PDHB: variants seen among roughly 807,000 people sequenced by gnomAD.
The protein encoded by PDHB is pyruvate dehydrogenase E1 component subunit beta, mitochondrial.
PDHB carries 17 observed loss-of-function variants against 42.8 expected under a neutral mutation model. The observed-to-expected ratio is 0.40, with a 90% confidence interval of 0.27 to 0.60. The LOEUF is 0.60. Among genes scored for constraint, PDHB ranks in the 20% least tolerant of loss-of-function variants. PDHB has a pLI of 0.46. For synonymous variants in PDHB, 154 were observed against 148.7 expected (o/e 1.04, Z -0.26); for missense variants, 322 against 451.3 (o/e 0.71, Z 2.60).
At chr3:58,433,331 A>G (rs1469370195) in intron 2 of PDHB, 11 of 571,472 alleles carry the variant, frequency 1.9e-5, no homozygotes, top group Non-Finnish European at 3.1e-5. Context: ...ACACTTCTAA[A>G]AAGTACATTT....
Position 58,432,262 on chromosome 3 carries a change from A to G in PDHB, c.97-278T>C, listed in dbSNP as rs373027442. The G allele has an allele frequency of 5.8e-4, 257 of 443,498 alleles. 1 individual carries two copies. Among genetic ancestry groups the G allele is most frequent in the Middle Eastern group, 4.8e-3 (7 of 1,464 alleles). The allele number at this position is 443,498 out of a possible 1,614,324, so 27.5% of individuals were successfully genotyped here. ...TGCTCTTTTAATATAATGAATGGTA[A>G]AATCTAGTTAAAAAAAGGAAGGAGA... On this transcript the variant is annotated intron_variant, in intron 2 of 9. Coordinates refer to ENST00000302746, the MANE Select transcript of PDHB (RefSeq NM_000925.4).
Position 58,430,021 on chromosome 3 carries a change from TC to T in PDHB, c.700+106del. 3 of 764,294 alleles carry T rather than the reference TC, an allele frequency of 3.9e-6. No homozygotes were observed. In the Admixed American group the frequency reaches 6.0e-5, roughly 15 times the overall value. The allele number at this position is 764,294 out of a possible 1,614,324, so 47.3% of individuals were successfully genotyped here. ...GAGAAATTGGGGCATCTTGAGCTCA[TC>T]CTATAATTTTTCAGTCAAAGTAAAT... On this transcript the variant is annotated intron_variant, in intron 7 of 9. Coordinates refer to ENST00000302746, the MANE Select transcript of PDHB (RefSeq NM_000925.4).
Position 58,431,403 on chromosome 3 carries a change from G to A in PDHB, c.303+190C>T. 1.7e-6 allele frequency: 1 copy of A among 590,154 alleles called. No homozygotes were observed. The highest frequency in any genetic ancestry group is 1.9e-5 in the African/African-American group (1 of 53,500). 36.6% of individuals were successfully genotyped at this position (590,154 alleles called of 1,614,324 possible). ...ATCTCTACTAAAAACACAAAAATTG[G>A]CTAGGCACAGTGGCGCGACCTGTAA... On this transcript the variant is annotated intron_variant, in intron 5 of 9. Transcript: ENST00000302746. This position sits in a 1 kb window ranked among gnomAD's most constrained non-coding sequence, Gnocchi z 4.4.
chr3:58,433,319 A>C, intron 2 of PDHB: 1 of 552,570 alleles, frequency 1.8e-6, no homozygotes, highest in East Asian at 3.1e-5. Context: ...CCACTGAATT[A>C]TACACTTCTA....
At position 58,431,018 on chromosome 3, in the gene PDHB, T is replaced by C; in HGVS notation, c.304-76A>G. On this transcript the variant is annotated intron_variant, in intron 5 of 9. Coordinates refer to ENST00000302746, the MANE Select transcript of PDHB (RefSeq NM_000925.4). The surrounding 1 kb of genome is among the most constrained non-coding windows in gnomAD (Gnocchi z 4.4). ...AGTAGCAAACAAATCACTCCAAGTC[T>C]TCCAACATTCAAATAATGTTTTTAT... 1 of 1,306,750 alleles carries C rather than the reference T, an allele frequency of 7.7e-7. No individual in the cohort carries two copies. The highest frequency in any genetic ancestry group is 1.1e-6 in the Non-Finnish European group (1 of 902,328). 80.9% of individuals were successfully genotyped at this position (1,306,750 alleles called of 1,614,324 possible).
At position 58,433,813 on chromosome 3, in the gene PDHB, G is replaced by C. The variant is rs778465584; in HGVS notation, c.-4C>G. 1.9e-6 allele frequency: 3 copies of C among 1,610,478 alleles called. No individual in the cohort carries two copies. Among genetic ancestry groups the C allele is most frequent in the Middle Eastern group, 1.6e-4 (1 of 6,074 alleles). ...CCAAGCCAGACACCGCCGCCATCTT[G>C]GTCGTGTCCTCTATCCGCTGCCAAA... On this transcript the variant is annotated 5_prime_UTR_variant, in exon 1 of 10. Coordinates refer to ENST00000302746, the MANE Select transcript of PDHB (RefSeq NM_000925.4).
At position 58,431,708 on chromosome 3, in the gene PDHB, C is replaced by A; in HGVS notation, c.267+23G>T. 6.2e-7 allele frequency: 1 copy of A among 1,605,124 alleles called. No homozygotes were observed. Among genetic ancestry groups the A allele is most frequent in the South Asian group, 1.1e-5 (1 of 90,912 alleles). On this transcript the variant is annotated intron_variant, in intron 4 of 9. Coordinates refer to ENST00000302746, the MANE Select transcript of PDHB (RefSeq NM_000925.4). The surrounding 1 kb of genome is among the most constrained non-coding windows in gnomAD (Gnocchi z 4.4). ...CACTAACAGACATGCCCTCCAGGGT[C>A]TGCTTCCCACTGGAAGGCTTACCTC...
intron 6 of PDHB, 141 bp from the exon 7 acceptor site, chr3:58,430,379 G>C (rs1381826981): frequency 1.5e-6 from 1 of 682,808 alleles, no homozygotes. Flanking sequence ...GCAGCCTTGA[G>C]AGCAGTTTAG....
rs746327054 is a variant in PDHB, at chr3:58,431,722, A to G, written c.267+9T>C. 2 of 1,612,294 alleles carry G rather than the reference A, an allele frequency of 1.2e-6. No individual in the cohort carries two copies. Among genetic ancestry groups the G allele is most frequent in the Non-Finnish European group, 1.7e-6 (2 of 1,178,294 alleles). ...CCCTCCAGGGTCTGCTTCCCACTGGAAGGCTTACCTCTGATATGGGAGTGT... is the reference window on the plus strand; with the variant it reads ...CCCTCCAGGGTCTGCTTCCCACTGGGAGGCTTACCTCTGATATGGGAGTGT... On this transcript the variant is annotated intron_variant, in intron 4 of 9. Transcript: ENST00000302746. This position sits in a 1 kb window ranked among gnomAD's most constrained non-coding sequence, Gnocchi z 4.4.
chr3:58,430,960 T>C lies in PDHB; in HGVS notation c.304-18A>G. The C allele has an allele frequency of 6.2e-7, 1 of 1,613,728 alleles. No homozygotes were observed. Among genetic ancestry groups the C allele is most frequent in the South Asian group, 1.1e-5 (1 of 91,074 alleles). ...AACCCAGCCTGTAAAATCAAAAACG[T>C]GGATGTTAAAAAGACTAGAAACAGC... On this transcript the variant is annotated intron_variant, in intron 5 of 9. Transcript: ENST00000302746.
At chr3:58,428,901 C>A in intron 8 of PDHB, 1 of 407,356 alleles carries the variant, frequency 2.5e-6, no homozygotes, top group Admixed American at 3.9e-5. Flanking sequence ...GTTGTCCAGG[C>A]TGGAGTGCAG....
At chr3:58,429,853 A>G (rs2062904962) in intron 7 of PDHB, 54 bp from the exon 8 acceptor site, 7 of 1,017,652 alleles carry the variant, frequency 6.9e-6, no homozygotes, top group Non-Finnish European at 1.1e-5. Context: ...AAGATGCTAC[A>G]CCACTGTGCC....
At position 58,428,466 on chromosome 3, in the gene PDHB, GA is replaced by G. The variant is rs1560186596; in HGVS notation, c.934+6del. 1 of 1,613,876 alleles carries G rather than the reference GA, an allele frequency of 6.2e-7. No individual in the cohort carries two copies. The highest frequency in any genetic ancestry group is 1.7e-5 in the Admixed American group (1 of 60,010). On this transcript the variant is annotated splice_donor_region_variant and intron_variant, in intron 9 of 9. Coordinates refer to ENST00000302746, the MANE Select transcript of PDHB (RefSeq NM_000925.4). ...ACTGTATTCTAGAACCAGTTTCTTT[GA>G]AATACCTTCCATGATCCTGGCACAG...
Position 58,431,036 on chromosome 3 carries a change from GT to G in PDHB, c.304-95del. The G allele has an allele frequency of 8.1e-7, 1 of 1,229,150 alleles. No individual in the cohort carries two copies. The highest frequency in any genetic ancestry group is 1.2e-6 in the Non-Finnish European group (1 of 847,298). 76.1% of individuals were successfully genotyped at this position (1,229,150 alleles called of 1,614,324 possible). A position where few individuals can be genotyped will look rare whatever the true frequency, so the allele number is the denominator to read the frequency against. On this transcript the variant is annotated intron_variant, in intron 5 of 9. Transcript: ENST00000302746. This position sits in a 1 kb window ranked among gnomAD's most constrained non-coding sequence, Gnocchi z 4.4. ...CCAAGTCTTCCAACATTCAAATAAT[GT>G]TTTTATTTTTTATTTTTATTTTTTA...
At position 58,433,634 on chromosome 3, in the gene PDHB, C is replaced by A. The variant is rs886058780; in HGVS notation, c.93G>T (p.Leu31=). 1 of 1,610,670 alleles carries A rather than the reference C, an allele frequency of 6.2e-7. No individual in the cohort carries two copies. The change falls in exon 2 of 10, where the codon CTG becomes CTT. Residue 31 remains leucine (L), a synonymous_variant. Transcript: ENST00000302746. Reference sequence around the variant, plus strand: ...GACGAGCACCCGCGCCTGTTACCTGCAGCGCAGCCGGCGCGGTCCAGTGAA... The same window carrying A: ...GACGAGCACCCGCGCCTGTTACCTGAAGCGCAGCCGGCGCGGTCCAGTGAA... ...RRFHWTAPAA[L]QVTVRDAINQ...
At position 58,430,822 on chromosome 3, in the gene PDHB, T is replaced by C. The variant is rs766730807; in HGVS notation, c.424A>G (p.Ile142Val). The change falls in exon 6 of 10, where the codon ATA becomes GTA. Residue 142 changes from isoleucine to valine, a missense_variant. Physicochemically the swap from Ile to Val is conservative, Grantham distance 29. This residue lies in a region of PDHB where 208 missense variants were observed against 285.0 expected (regional missense o/e 0.73). Transcript: ENST00000302746. ...GCACCATTGGGCCCTCTGAAGACTA[T>C]AGGCACAGGCTGAAGGCCACCAGAC... is the stretch of plus-strand genomic sequence containing the variant. ...YMSGGLQPVP[I>V]VFRGPNGASA... 1.5e-5 allele frequency: 25 copies of C among 1,614,026 alleles called. No homozygotes were observed. The highest frequency in any genetic ancestry group is 1.6e-4 in the Middle Eastern group (1 of 6,082).
chr3:58,429,969 C>CT lies in PDHB; in HGVS notation c.700+158dup, dbSNP rs1560187423. ...AGAAATGAAACACAAACCTACCAGA[C>CT]TGAGATCTAGAAAAGCACAACTGAA... On this transcript the variant is annotated intron_variant, in intron 7 of 9. Coordinates refer to ENST00000302746, the MANE Select transcript of PDHB (RefSeq NM_000925.4). 8.2e-6 allele frequency: 6 copies of CT among 731,104 alleles called. No individual in the cohort carries two copies. In the South Asian group the frequency reaches 8.8e-5, roughly 11 times the overall value. 45.3% of individuals were successfully genotyped at this position (731,104 alleles called of 1,614,324 possible).
intron 2 of PDHB, chr3:58,432,440 T>A: frequency 4.5e-6 from 1 of 224,294 alleles, no homozygotes; most frequent in Non-Finnish European, 9.0e-6. Context: ...CTCACACCTG[T>A]AATTCCAGCA....
chr3:58,429,161 G>A (rs1215306316), intron 8 of PDHB, among the ~76,000 whole-genome samples: 1 of 152,204 alleles, frequency 6.6e-6, no homozygotes, highest in Non-Finnish European at 1.5e-5. Context: ...ACAGTTAACA[G>A]CTGAGTGCCC....
Sources: allele counts gnomAD v4.1 joint callset (sites outside exome capture counted in the v4.1 genomes callset), GRCh38; gene constraint gnomAD v4.1.1; regional missense constraint gnomAD v4.1.1; non-coding constraint Gnocchi (gnomAD v3.1); transcripts MANE v1.5; gene names NCBI Gene and HGNC (gene_info 2026-07-23, HGNC 2026-07-21).